The following STARD13 variants were observed in gnomAD, a reference collection of about 807,000 sequenced individuals.
The protein encoded by STARD13 is stAR-related lipid transfer protein 13.
STARD13 carries 62 observed loss-of-function variants against 106.4 expected under a neutral mutation model. That is an observed-to-expected ratio of 0.58 (90% CI 0.48 to 0.72). The LOEUF (loss-of-function observed/expected upper bound fraction) is 0.72. STARD13 is among the 30% of genes least tolerant of loss of function. The probability of loss-of-function intolerance (pLI) is 0.00; values close to 1 mark genes in which losing one functional copy is unlikely to be tolerated. For missense variants in STARD13, 1,387 were observed against 1,424.0 expected, an observed-to-expected ratio of 0.97 and a Z score of 0.42; for synonymous variants, 565 against 553.0, an observed-to-expected ratio of 1.02 and a Z score of -0.31.
At chr13:33,392,172 T>C in the STARD13 span, among the ~76,000 whole-genome samples, 1 of 152,180 alleles carries the variant, frequency 6.6e-6, no homozygotes, top group African/African-American at 2.4e-5. Context: ...GGTCCTATAA[T>C]ATGCTTTGCT....
At position 33,165,416 on chromosome 13, in the gene STARD13, A is replaced by C; in HGVS notation, c.244T>G (p.Ser82Ala). ...GCCACAATGTTGATGGGAAATTGTG[A>C]ATCTGAGAGAGAAAGACAAAGAAGT... ...FPQYAQLYED[S>A]QFPINIVAVK... Residue 82 changes from serine (S) to alanine (A), a missense_variant and splice_region_variant, in exon 3 of 14, where the codon TCA becomes GCA. Coordinates refer to ENST00000336934, the MANE Select transcript of STARD13 (RefSeq NM_178006.4). 4 of 1,611,960 alleles carry C rather than the reference A, an allele frequency of 2.5e-6. No individual in the cohort carries two copies. Among genetic ancestry groups the C allele is most frequent in the Non-Finnish European group, 3.4e-6 (4 of 1,178,060 alleles).
rs538384150 is a variant in STARD13 at position 33,251,254 on chromosome 13, C to T, written c.169+34216G>A. 5.5e-4 allele frequency among the ~76,000 whole-genome samples: 84 copies of T among 152,238 alleles called. 2 individuals are homozygous for T. The South Asian group carries it at 9.8e-3, about 18-fold the overall frequency. On this transcript the variant is annotated intron_variant, in intron 1 of 13. Coordinates refer to ENST00000336934, the MANE Select transcript of STARD13 (RefSeq NM_178006.4). The stretch of plus-strand genomic sequence containing the variant: ...AGGACCCACTGAGGTTGACAGGCCG[C>T]CTGGGATTCTTTCACTTTCAAGCCT...
At chr13:33,248,500 C>G (rs769222130) in intron 1 of STARD13, among the ~76,000 whole-genome samples, 2 of 152,186 alleles carry the variant, frequency 1.3e-5, no homozygotes, top group African/African-American at 2.4e-5. Context: ...TCCAGTGTTA[C>G]CTACCAGTTG....
chr13:33,550,247 C>T, the STARD13 span, among the ~76,000 whole-genome samples: 44 of 152,216 alleles, frequency 2.9e-4, no homozygotes, highest in Non-Finnish European at 5.9e-4. Context: ...GAAAAGATAT[C>T]CCTAATTCTC....
At chr13:33,254,069 A>G (rs558443950) in intron 1 of STARD13, among the ~76,000 whole-genome samples, 8 of 152,310 alleles carry the variant, frequency 5.3e-5, no homozygotes, top group Non-Finnish European at 1.0e-4. Context: ...GCCTGGAGTG[A>G]TCCTCATTTT....
At chr13:33,435,121 T>A in the STARD13 span, among the ~76,000 whole-genome samples, 1 of 152,134 alleles carries the variant, frequency 6.6e-6, no homozygotes, top group African/African-American at 2.4e-5. Context: ...AATGCTGAAG[T>A]CACCTGAAAT....
At chr13:33,603,746 T>G in the STARD13 span, among the ~76,000 whole-genome samples, 2 of 152,130 alleles carry the variant, frequency 1.3e-5, no homozygotes, top group African/African-American at 4.8e-5. Context: ...ATTTTAAAAA[T>G]TTTTCACTGG....
chr13:33,304,661 C>A (rs928870786), intron 1 of STARD13, among the ~76,000 whole-genome samples: 1 of 152,100 alleles, frequency 6.6e-6, no homozygotes, highest in African/African-American at 2.4e-5. Context: ...CTAAGATCTA[C>A]CCTAAATAAT....
At chr13:33,551,606 T>C in the STARD13 span, among the ~76,000 whole-genome samples, 1 of 101,426 alleles carries the variant, frequency 9.9e-6, no homozygotes, top group African/African-American at 4.2e-5. Flanking sequence ...TTTTTTTTTT[T>C]TTTTTTTTTT....
the STARD13 span, among the ~76,000 whole-genome samples, chr13:33,363,278 A>C: frequency 6.6e-6 from 1 of 152,136 alleles, no homozygotes. Flanking sequence ...TTCTCAGTAC[A>C]CACACACATG....
At chr13:33,209,459 C>CTCT (rs566293356) in intron 1 of STARD13, among the ~76,000 whole-genome samples, 27 of 149,022 alleles carry the variant, frequency 1.8e-4, no homozygotes, top group African/African-American at 6.2e-4. Context: ...CTCTCTCTCT[C>CTCT]TTTTTTTTTT....
In STARD13 at chr13:33,119,572, G is replaced by A. The variant is rs1875945145; in HGVS notation, c.2083-1309C>T. On this transcript the variant is annotated intron_variant, in intron 7 of 13. Coordinates refer to ENST00000336934, the MANE Select transcript of STARD13 (RefSeq NM_178006.4). ...TTAAATTGTGGTAACAGCAGGGGAAGGATTCCAAGCCATTAGAGCATACTC... is the reference window on the plus strand; with the variant it reads ...TTAAATTGTGGTAACAGCAGGGGAAAGATTCCAAGCCATTAGAGCATACTC... Among the ~76,000 whole-genome samples, 3 of 152,216 alleles carry A rather than the reference G, an allele frequency of 2.0e-5. No homozygotes were observed. The South Asian group carries it at 6.2e-4, about 32-fold the overall frequency.
intron 1 of STARD13, among the ~76,000 whole-genome samples, chr13:33,313,854 AAAC>A (rs757843586): frequency 6.6e-6 from 1 of 152,188 alleles, no homozygotes; most frequent in Non-Finnish European, 1.5e-5. Flanking sequence ...TTGCCTAGCA[AAAC>A]AACTCATCAT....
the STARD13 span, among the ~76,000 whole-genome samples, chr13:33,389,043 C>A: frequency 6.6e-6 from 1 of 150,836 alleles, no homozygotes; most frequent in African/African-American, 2.5e-5. Context: ...GCAACCTCTG[C>A]CTCCCAGGTT....
chr13:33,585,166 C>G, the STARD13 span, among the ~76,000 whole-genome samples: 1 of 152,094 alleles, frequency 6.6e-6, no homozygotes, highest in Non-Finnish European at 1.5e-5. Flanking sequence ...TGAACCCTTG[C>G]GCACTGCTTG....
At chr13:33,594,543 TA>T in the STARD13 span, among the ~76,000 whole-genome samples, 1 of 152,246 alleles carries the variant, frequency 6.6e-6, no homozygotes, top group South Asian at 2.1e-4. Flanking sequence ...TTTATCATTG[TA>T]ATGATTTTAA....
At chr13:33,507,093 T>C in the STARD13 span, among the ~76,000 whole-genome samples, 3 of 152,154 alleles carry the variant, frequency 2.0e-5, no homozygotes, top group Non-Finnish European at 4.4e-5. Flanking sequence ...AGAATGAGAC[T>C]GTCTCATAAA....
chr13:33,193,503 C>T (rs1191748783), intron 1 of STARD13, among the ~76,000 whole-genome samples: 1 of 152,172 alleles, frequency 6.6e-6, no homozygotes, highest in Admixed American at 6.5e-5. Context: ...ATCTCTCACC[C>T]TCATGACACT....
chr13:33,608,652 T>C, the STARD13 span, among the ~76,000 whole-genome samples: 1 of 152,304 alleles, frequency 6.6e-6, no homozygotes, highest in Non-Finnish European at 1.5e-5. Flanking sequence ...AACAGTTCAT[T>C]ACATACATGA....
Sources: allele counts gnomAD v4.1 joint callset (sites outside exome capture counted in the v4.1 genomes callset), GRCh38; gene constraint gnomAD v4.1.1; transcripts MANE v1.5; gene names NCBI Gene and HGNC (gene_info 2026-07-23, HGNC 2026-07-21).